Variants in FANCD2OS observed in about 807,000 individuals in gnomAD.
The protein encoded by FANCD2OS is FANCD2 opposite strand.
In FANCD2OS, 11 loss-of-function variants were observed where a neutral mutation model predicts 13.2. The ratio of observed to expected loss-of-function variants is 0.83; its 90% CI spans 0.52 to 1.38. FANCD2OS has a LOEUF of 1.38. Among genes scored for constraint, FANCD2OS ranks in the 40% most tolerant of loss-of-function variants. FANCD2OS has a pLI of 0.00. For missense variants in FANCD2OS, 217 were observed against 213.9 expected, an observed-to-expected ratio of 1.01 and a Z score of -0.09; for synonymous variants, 69 against 84.5, an observed-to-expected ratio of 0.82 and a Z score of 1.01.
chr3:10,085,348 T>C (rs1481291225), intron 2 of FANCD2OS, among the ~76,000 whole-genome samples: 2 of 152,134 alleles, frequency 1.3e-5, no homozygotes, highest in African/African-American at 4.8e-5. Flanking sequence ...TGATTGAATT[T>C]GGTACTTCAG....
chr3:10,087,279 T>TC lies in FANCD2OS; in HGVS notation c.*44-5749dup, dbSNP rs2125073171. ...AGAAAAAATTGGTGATGGGCCTAGATCCTTTTTTTTTTTTTTTTTTTAATG... is the reference window on the plus strand; with the variant it reads ...AGAAAAAATTGGTGATGGGCCTAGATCCCTTTTTTTTTTTTTTTTTTTAATG... On this transcript the variant is annotated intron_variant, in intron 2 of 2. Transcript: ENST00000524279. 2.0e-6 allele frequency: 3 copies of TC among 1,512,026 alleles called. No homozygotes were observed. In the African/African-American group the frequency reaches 4.7e-5, roughly 24 times the overall value. 93.7% of individuals were successfully genotyped at this position (1,512,026 alleles called of 1,614,324 possible).
chr3:10,104,158 C>T lies in FANCD2OS; in HGVS notation c.*83G>A, dbSNP rs1559414058. On this transcript the variant is annotated 3_prime_UTR_variant, in exon 2 of 2. Transcript: ENST00000450660. ...GATGGCTGGGACAATGTCACAGTTT[C>T]ATTTACATGGACAGGTTTCTGTAAG... 1 of 1,271,090 alleles carries T rather than the reference C, an allele frequency of 7.9e-7. No homozygotes were observed. The highest frequency in any genetic ancestry group is 2.4e-5 in the East Asian group (1 of 41,386). The allele number at this position is 1,271,090 out of a possible 1,614,324, so 78.7% of individuals were successfully genotyped here.
At chr3:10,101,165 T>C (rs751481349), downstream of FANCD2OS, 4 of 1,586,416 alleles carry the variant, frequency 2.5e-6, no homozygotes, top group South Asian at 2.2e-5. Context: ...AAAATGCTTA[T>C]TTATTTATTC....
downstream of FANCD2OS, chr3:10,101,050 A>C (rs1695269656): frequency 1.6e-6 from 1 of 623,576 alleles, no homozygotes; most frequent in Admixed American, 2.5e-5. Flanking sequence ...GCCTGGTGAC[A>C]GAGCAAGACT....
chr3:10,084,071 A>G (rs1182038295), intron 2 of FANCD2OS, among the ~76,000 whole-genome samples: 1 of 150,340 alleles, frequency 6.7e-6, no homozygotes, highest in Non-Finnish European at 1.5e-5. Context: ...TCGGCTCACT[A>G]TAACCTCTGC....
rs570459552 is a variant in FANCD2OS at position 10,087,257 on chromosome 3, A to G, written c.*44-5726T>C. On this transcript the variant is annotated intron_variant, in intron 2 of 2. Coordinates refer to the FANCD2OS transcript ENST00000524279. ...CAACAGCTTCTGCTCAGAACAAAGA[A>G]AAAATTGGTGATGGGCCTAGATCCT... 15 of 1,612,890 alleles carry G rather than the reference A, an allele frequency of 9.3e-6. No homozygotes were observed. The Admixed American group carries it at 2.2e-4, about 23-fold the overall frequency.
At chr3:10,105,815 TATATA>T (rs1695482575) in intron 1 of FANCD2OS, among the ~76,000 whole-genome samples, 4 of 81,022 alleles carry the variant, frequency 4.9e-5, no homozygotes, top group Non-Finnish European at 7.1e-5. Flanking sequence ...TATATATATA[TATATA>T]TTTTGAGGTT....
chr3:10,087,098 C>G lies in FANCD2OS; in HGVS notation c.*44-5567G>C, dbSNP rs751819584. On this transcript the variant is annotated intron_variant, in intron 2 of 2. Coordinates refer to the FANCD2OS transcript ENST00000524279. ...AAATATATCTGTGACACATAGGATA[C>G]TATTGCATTTGTTTGTTTTTCTTGT... The G allele has an allele frequency of 9.3e-6, 15 of 1,611,984 alleles. No individual in the cohort carries two copies. In the South Asian group the frequency reaches 1.4e-4, roughly 15 times the overall value.
At chr3:10,089,719 C>T (rs1292869244) in intron 2 of FANCD2OS, among the ~76,000 whole-genome samples, 2 of 152,286 alleles carry the variant, frequency 1.3e-5, no homozygotes, top group Admixed American at 1.3e-4. Flanking sequence ...CTGCCTGCCT[C>T]GGCCTCTCAA....
At chr3:10,095,762 G>T (rs1694916318) in intron 2 of FANCD2OS, among the ~76,000 whole-genome samples, 2 of 152,134 alleles carry the variant, frequency 1.3e-5, no homozygotes, top group South Asian at 4.1e-4. Flanking sequence ...CGTTTTGTCT[G>T]AATGAACACA....
At chr3:10,100,925 C>A (rs989102567), downstream of FANCD2OS, among the ~76,000 whole-genome samples, 1 of 152,000 alleles carries the variant, frequency 6.6e-6, no homozygotes, top group African/African-American at 2.4e-5. Context: ...AAAAATTAGC[C>A]GGGCGTGGTG....
chr3:10,098,178 A>C (rs531018822), downstream of FANCD2OS, among the ~76,000 whole-genome samples: 7 of 152,226 alleles, frequency 4.6e-5, no homozygotes. Flanking sequence ...CTTCACATCA[A>C]CCTTATGAGG....
chr3:10,101,847 A>C (rs1358655589), downstream of FANCD2OS: 2 of 191,052 alleles, frequency 1.0e-5, no homozygotes. Flanking sequence ...ATGATTCTGG[A>C]CTTTGGGAGC....
At chr3:10,099,126 C>T (rs969649303), downstream of FANCD2OS, 48 of 1,483,360 alleles carry the variant, frequency 3.2e-5, no homozygotes, top group African/African-American at 1.4e-4. Flanking sequence ...GAGAAGTCAT[C>T]GAAGTATTTT....
At chr3:10,107,373 C>T (rs1317352977) in intron 1 of FANCD2OS, among the ~76,000 whole-genome samples, 3 of 151,916 alleles carry the variant, frequency 2.0e-5, no homozygotes, top group South Asian at 2.1e-4. Context: ...CTGCAAGCTC[C>T]GCCTCCCGGG....
chr3:10,085,649 C>T (rs920377099), intron 2 of FANCD2OS: 2 of 625,836 alleles, frequency 3.2e-6, no homozygotes, highest in South Asian at 1.5e-5. Flanking sequence ...CTCAGCCTCC[C>T]GAAGTGCTGG....
At chr3:10,087,655 T>C (rs1559403952) in intron 2 of FANCD2OS, among the ~76,000 whole-genome samples, 2 of 152,132 alleles carry the variant, frequency 1.3e-5, no homozygotes, top group Non-Finnish European at 2.9e-5. Flanking sequence ...CTGGCCTTTT[T>C]CTTTTTTTTT....
chr3:10,096,936 A>C (rs1334726771), intron 2 of FANCD2OS, among the ~76,000 whole-genome samples: 1 of 152,108 alleles, frequency 6.6e-6, no homozygotes, highest in Non-Finnish European at 1.5e-5. Flanking sequence ...TATTTTCCTA[A>C]GTGTCAGCTG....
rs183138323 is a variant in FANCD2OS at position 10,086,005 on chromosome 3, G to T, written c.*44-4474C>A. 3,588 of 906,752 alleles carry T rather than the reference G, an allele frequency of 4.0e-3. 18 individuals carry two copies. The highest frequency in any genetic ancestry group is 4.3e-3 in the Non-Finnish European group (2,288 of 538,114). 56.2% of individuals were successfully genotyped at this position (906,752 alleles called of 1,614,324 possible). A position where few individuals can be genotyped will look rare whatever the true frequency, so the allele number is the denominator to read the frequency against. ...TGGCAACTTTCTTTAAAATAACCTG[G>T]GTGTCTTTCAGTAGTTGTAAAGGAA... On this transcript the variant is annotated intron_variant, in intron 2 of 2. Coordinates refer to the FANCD2OS transcript ENST00000524279.
Sources: gnomAD v4.1 joint callset for allele counts (sites outside exome capture counted in the v4.1 genomes callset) on GRCh38, gnomAD v4.1.1 for gene constraint, MANE v1.5 for transcripts, NCBI Gene and HGNC (gene_info 2026-07-23, HGNC 2026-07-21) for gene names.